Variants in CTDP1 observed in about 807,000 individuals in gnomAD.
CTDP1 encodes the protein CTD phosphatase 1.
In CTDP1, 47 loss-of-function variants were observed where a neutral mutation model predicts 91.8. That is an observed-to-expected ratio of 0.51 (90% CI 0.41 to 0.65). The LOEUF (loss-of-function observed/expected upper bound fraction) is 0.65. Ranked by LOEUF, CTDP1 falls within the 30% of genes least tolerant of loss-of-function variation. The probability of loss-of-function intolerance (pLI) is 0.00; values close to 1 mark genes in which losing one functional copy is unlikely to be tolerated. For missense variants in CTDP1, 1,272 were observed against 1,373.7 expected (o/e 0.93, Z 1.17); for synonymous variants, 656 against 598.5 (o/e 1.10, Z -1.40).
At chr18:79,732,665 A>G (rs1286551444) in intron 11 of CTDP1, among the ~76,000 whole-genome samples, 1 of 151,834 alleles carries the variant, frequency 6.6e-6, no homozygotes, top group Non-Finnish European at 1.5e-5. Context: ...ACTCACTGTC[A>G]TCAGGAGTGC....
At chr18:79,681,056 T>A (rs1306643227) in intron 1 of CTDP1, 1 of 152,304 alleles carries the variant, frequency 6.6e-6, no homozygotes, top group Non-Finnish European at 1.5e-5. Context: ...GAGCTCCCTC[T>A]GGGAAAGGTG....
At chr18:79,712,479 C>T (rs1485200961) in intron 6 of CTDP1, among the ~76,000 whole-genome samples, 3 of 152,076 alleles carry the variant, frequency 2.0e-5, no homozygotes, top group Non-Finnish European at 4.4e-5. Context: ...ACAGGGTCTT[C>T]CTATGTTGCC....
At chr18:79,689,910 G>A (rs1203595867) in intron 1 of CTDP1, among the ~76,000 whole-genome samples, 1 of 152,232 alleles carries the variant, frequency 6.6e-6, no homozygotes, top group Non-Finnish European at 1.5e-5. Context: ...TCCCCGTGGT[G>A]CTGGTTCCCG....
chr18:79,748,081 T>C (rs900650869), intron 12 of CTDP1, among the ~76,000 whole-genome samples: 1 of 152,230 alleles, frequency 6.6e-6, no homozygotes, highest in African/African-American at 2.4e-5. Flanking sequence ...AACATTTCTC[T>C]ATGGAGCTGT....
chr18:79,753,734 TCCGAGG>T lies in CTDP1; in HGVS notation c.2835_2840del (p.Glu945_Ala946del). Reference sequence around the variant, plus strand: ...CAGCAACGAGGATGAGGGCAGCAGCTCCGAGGCCGACGAGATGGCCAAGGCGCTGGA... The same window carrying T: ...CAGCAACGAGGATGAGGGCAGCAGCTCCGACGAGATGGCCAAGGCGCTGGA... On this transcript the variant is annotated inframe_deletion, in exon 13 of 13. Coordinates refer to ENST00000613122, the MANE Select transcript of CTDP1 (RefSeq NM_004715.5). 6.2e-7 allele frequency: 1 copy of T among 1,613,890 alleles called. No individual in the cohort carries two copies. The highest frequency in any genetic ancestry group is 8.5e-7 in the Non-Finnish European group (1 of 1,179,958).
At chr18:79,722,490 T>C (rs186245255) in intron 10 of CTDP1, among the ~76,000 whole-genome samples, 2 of 152,342 alleles carry the variant, frequency 1.3e-5, no homozygotes, top group African/African-American at 4.8e-5. Context: ...TAATACCAGC[T>C]CATTTATACG....
intron 12 of CTDP1, among the ~76,000 whole-genome samples, chr18:79,743,705 C>T (rs1178480851): frequency 2.0e-5 from 3 of 152,162 alleles, no homozygotes; most frequent in Admixed American, 6.5e-5. Flanking sequence ...GCCATGTCTC[C>T]GTATCGAATT....
At position 79,699,948 on chromosome 18, in the gene CTDP1, T is replaced by C. The variant is rs573842951; in HGVS notation, c.621+1960T>C. Among the ~76,000 whole-genome samples the C allele has an allele frequency of 1.6e-4, 24 of 152,248 alleles. No individual in the cohort carries two copies. In the South Asian group the frequency reaches 5.0e-3, roughly 32 times the overall value. ...TTGAGGTCACTGTTGTCATAGTTGCTTCATCAGTGTTCTGTCAGCTATAGG... is the reference window on the plus strand; with the variant it reads ...TTGAGGTCACTGTTGTCATAGTTGCCTCATCAGTGTTCTGTCAGCTATAGG... On this transcript the variant is annotated intron_variant, in intron 4 of 12. Transcript: ENST00000613122.
intron 1 of CTDP1, among the ~76,000 whole-genome samples, chr18:79,690,252 A>G (rs1204807460): frequency 6.6e-6 from 1 of 152,096 alleles, no homozygotes; most frequent in African/African-American, 2.4e-5. Context: ...TGATGTACCC[A>G]TGCCCTCGGA....
At chr18:79,709,308 AC>A (rs2086033252) in intron 5 of CTDP1, among the ~76,000 whole-genome samples, 2 of 152,208 alleles carry the variant, frequency 1.3e-5, no homozygotes, top group African/African-American at 2.4e-5. Flanking sequence ...AAATATGAGC[AC>A]TTTACTGTAA....
intron 4 of CTDP1, 125 bp from the exon 5 acceptor site, chr18:79,704,642 G>A (rs916035588): frequency 1.5e-6 from 2 of 1,324,928 alleles, no homozygotes; most frequent in Non-Finnish European, 2.1e-6. Flanking sequence ...GCACACGCGT[G>A]TCTTCAGAAC....
intron 11 of CTDP1, chr18:79,736,135 A>G: frequency 1.6e-6 from 1 of 613,556 alleles, no homozygotes; most frequent in South Asian, 2.0e-5. Flanking sequence ...TTGCCTGCGA[A>G]CCGACTGGGT....
intron 10 of CTDP1, among the ~76,000 whole-genome samples, chr18:79,723,217 C>G (rs1310514724): frequency 6.6e-6 from 1 of 151,972 alleles, no homozygotes; most frequent in Non-Finnish European, 1.5e-5. Context: ...AGCCCCAGGC[C>G]TCATCTGTCA....
intron 4 of CTDP1, 34 bp downstream of exon 4, chr18:79,698,022 A>C: frequency 1.2e-6 from 2 of 1,613,682 alleles, no homozygotes; most frequent in South Asian, 1.1e-5. Context: ...ACAGTTTCCC[A>C]GGAACCGCGG....
intron 1 of CTDP1, 75 bp from the exon 2 acceptor site, chr18:79,695,150 T>A (rs2122486699): frequency 4.2e-6 from 6 of 1,419,632 alleles, no homozygotes; most frequent in South Asian, 2.3e-5. Context: ...ACCTAGATTT[T>A]AAAATTCTTA....
chr18:79,729,158 A>G, intron 11 of CTDP1, 89 bp downstream of exon 11: 2 of 1,549,890 alleles, frequency 1.3e-6, no homozygotes, highest in South Asian at 2.2e-5. Flanking sequence ...TGAGCTGTGC[A>G]CCTGGAGGCC....
At chr18:79,734,704 A>G (rs1211858236) in intron 11 of CTDP1, among the ~76,000 whole-genome samples, 9 of 152,272 alleles carry the variant, frequency 5.9e-5, no homozygotes, top group Admixed American at 2.0e-4. Context: ...TTGACAAGGT[A>G]TGATGCCGTG....
At chr18:79,729,757 C>T (rs1418475293) in intron 11 of CTDP1, among the ~76,000 whole-genome samples, 2 of 152,212 alleles carry the variant, frequency 1.3e-5, no homozygotes, top group Admixed American at 6.5e-5. Flanking sequence ...CACCGTCCTT[C>T]GGAGACTGTT....
At chr18:79,688,705 C>CCA (rs2085559190) in intron 1 of CTDP1, among the ~76,000 whole-genome samples, 2 of 151,806 alleles carry the variant, frequency 1.3e-5, no homozygotes, top group Non-Finnish European at 2.9e-5. Context: ...CAGCCACACC[C>CCA]GGCTAATTTT....
Sources: gnomAD v4.1 joint callset for allele counts (sites outside exome capture counted in the v4.1 genomes callset) on GRCh38, gnomAD v4.1.1 for gene constraint, MANE v1.5 for transcripts, NCBI Gene and HGNC (gene_info 2026-07-23, HGNC 2026-07-21) for gene names.